The following FKBP15 variants were observed in gnomAD, a reference collection of about 807,000 sequenced individuals.
FKBP15 encodes the protein FKBP prolyl isomerase family member 15.
FKBP15 carries 106 observed loss-of-function variants against 158.1 expected under a neutral mutation model. The observed-to-expected ratio is 0.67, with a 90% CI of 0.57 to 0.79. The LOEUF (loss-of-function observed/expected upper bound fraction) is 0.79. Ranked by LOEUF, FKBP15 falls within the 30% of genes least tolerant of loss-of-function variation. The pLI, the probability that FKBP15 is intolerant of heterozygous loss-of-function variation, is 0.00. For missense variants in FKBP15, 1,287 were observed against 1,479.1 expected (o/e 0.87, Z 2.13); for synonymous variants, 547 against 548.6 (o/e 1.00, Z 0.04).
Position 113,186,229 on chromosome 9 carries a change from CTG to C in FKBP15, c.1498+18_1498+19del. 6.6e-7 allele frequency: 1 copy of C among 1,515,102 alleles called. No homozygotes were observed. Among genetic ancestry groups the C allele is most frequent in the Non-Finnish European group, 9.0e-7 (1 of 1,113,098 alleles). 93.9% of individuals were successfully genotyped at this position (1,515,102 alleles called of 1,614,324 possible). ...CACAGCAAGAGCGGAAGATGAGAAA[CTG>C]AGGGAATTACTCCCTACCTTGGAAA... On this transcript the variant is annotated intron_variant, in intron 15 of 27. Coordinates refer to ENST00000238256, the MANE Select transcript of FKBP15 (RefSeq NM_015258.2).
chr9:113,197,117 G>A, intron 8 of FKBP15, 39 bp from the exon 9 acceptor site: 1 of 1,602,288 alleles, frequency 6.2e-7, no homozygotes, highest in Non-Finnish European at 8.5e-7. Flanking sequence ...CAAACAAGAA[G>A]CTCCTCAGAA....
At chr9:113,167,825 C>T (rs1305970877) in intron 27 of FKBP15, among the ~76,000 whole-genome samples, 1 of 152,192 alleles carries the variant, frequency 6.6e-6, no homozygotes, top group Non-Finnish European at 1.5e-5. Flanking sequence ...CTAATTCAGT[C>T]CCTATCAGTG....
chr9:113,214,751 C>A (rs1202651393), intron 1 of FKBP15, among the ~76,000 whole-genome samples: 3 of 152,254 alleles, frequency 2.0e-5, no homozygotes, highest in African/African-American at 7.2e-5. Flanking sequence ...CAATAGAAAG[C>A]TGTTTTGTCT....
Position 113,202,944 on chromosome 9 carries a change from A to G in FKBP15, c.399+17T>C, listed in dbSNP as rs760004746. On this transcript the variant is annotated intron_variant, in intron 5 of 27. Coordinates refer to ENST00000238256, the MANE Select transcript of FKBP15 (RefSeq NM_015258.2). ...TATCCCGAAGGAGCTAATGATTCCAATATGATGAAGTCTTACCATTAGCTC... is the reference window on the plus strand; with the variant it reads ...TATCCCGAAGGAGCTAATGATTCCAGTATGATGAAGTCTTACCATTAGCTC... 2 of 1,596,672 alleles carry G rather than the reference A, an allele frequency of 1.3e-6. No homozygotes were observed. The highest frequency in any genetic ancestry group is 2.2e-5 in the South Asian group (2 of 90,044).
At chr9:113,209,643 G>A (rs192987663) in intron 2 of FKBP15, among the ~76,000 whole-genome samples, 25 of 152,370 alleles carry the variant, frequency 1.6e-4, no homozygotes, top group South Asian at 6.2e-4. Context: ...AATTTCCTGA[G>A]TGATAAGAGT....
chr9:113,169,415 C>T lies in FKBP15; in HGVS notation c.3294G>A (p.Leu1098=), dbSNP rs551811341. The part of the protein sequence containing the change: ...PLQESSTRLS[L]TSDPEEGDPL... Reference sequence around the variant, plus strand: ...GGTCCCCCTCCTCGGGGTCTGAAGTCAGGGACAGTCTTGTGGAGCTTTCTT... The same window carrying T: ...GGTCCCCCTCCTCGGGGTCTGAAGTTAGGGACAGTCTTGTGGAGCTTTCTT... Residue 1098 remains leucine, a synonymous_variant, in exon 26 of 28, where the codon CTG becomes CTA. Transcript: ENST00000238256. The T allele has an allele frequency of 3.4e-5, 55 of 1,614,038 alleles. No individual in the cohort carries two copies. In the South Asian group the frequency reaches 5.6e-4, roughly 16 times the overall value.
intron 1 of FKBP15, among the ~76,000 whole-genome samples, chr9:113,218,795 G>A (rs1408710289): frequency 6.6e-6 from 1 of 152,136 alleles, no homozygotes; most frequent in Non-Finnish European, 1.5e-5. Flanking sequence ...CCTAACTGGG[G>A]ATAGAATCAA....
chr9:113,184,743 T>C lies in FKBP15; in HGVS notation c.1560A>G (p.Arg520=), dbSNP rs1292839650. The C allele has an allele frequency of 6.2e-7, 1 of 1,609,524 alleles. No individual in the cohort carries two copies. Among genetic ancestry groups the C allele is most frequent in the East Asian group, 2.2e-5 (1 of 44,800 alleles). The change falls in exon 16 of 28, where the codon CGA becomes CGG. Residue 520 remains arginine, a synonymous_variant. Coordinates refer to ENST00000238256, the MANE Select transcript of FKBP15 (RefSeq NM_015258.2). The surrounding 1 kb of genome is among the most constrained non-coding windows in gnomAD (Gnocchi z 4.5). ...TEARQHNTEI[R]MAVSKVADKM... ...TATCAGCCACTTTGCTGACTGCCAT[T>C]CGAATTTCAGTGTTATGTTGCCGGG...
intron 27 of FKBP15, 80 bp downstream of exon 27, chr9:113,168,380 C>T: frequency 8.0e-7 from 1 of 1,246,110 alleles, no homozygotes. Context: ...CCAACAGGCT[C>T]CATTTCTCTT....
intron 1 of FKBP15, among the ~76,000 whole-genome samples, chr9:113,215,644 ATTTTTTTTTTT>A (rs1285341545): frequency 6.5e-5 from 4 of 61,572 alleles, no homozygotes; most frequent in Admixed American, 2.6e-4. Flanking sequence ...ATATATATAT[ATTTTTTTTTTT>A]TTTTTTTTTT....
Position 113,162,154 on chromosome 9 carries a change from C to A in FKBP15, c.*3924G>T. ...CAGGCAACCATTTAGGGTCCCTGTT[C>A]TGCCCTCTGTCCAGCCCCAGCCTCA... On this transcript the variant is annotated 3_prime_UTR_variant, in exon 28 of 28. Coordinates refer to ENST00000238256, the MANE Select transcript of FKBP15 (RefSeq NM_015258.2). 1 of 326,602 alleles carries A rather than the reference C, an allele frequency of 3.1e-6. No individual in the cohort carries two copies. The highest frequency in any genetic ancestry group is 5.8e-6 in the Non-Finnish European group (1 of 171,582). The allele number at this position is 326,602 out of a possible 1,614,324, so 20.2% of individuals were successfully genotyped here. A position where few individuals can be genotyped will look rare whatever the true frequency, so the allele number is the denominator to read the frequency against.
chr9:113,212,243 C>T (rs550055097), intron 1 of FKBP15, among the ~76,000 whole-genome samples: 102 of 152,198 alleles, frequency 6.7e-4, no homozygotes, highest in Admixed American at 1.8e-3. Context: ...GGCTGGAGTG[C>T]AGTGGTGTGA....
intron 4 of FKBP15, chr9:113,206,271 C>A: frequency 1.9e-6 from 1 of 540,406 alleles, no homozygotes; most frequent in Admixed American, 3.4e-5. Context: ...AATTCTTAAG[C>A]TAGGATCATA....
chr9:113,178,520 T>C (rs545057011), intron 20 of FKBP15, 110 bp downstream of exon 20: 5 of 1,128,630 alleles, frequency 4.4e-6, no homozygotes, highest in Middle Eastern at 3.1e-4. Flanking sequence ...TTTGGTGTAG[T>C]CCTTCAAAAA....
intron 20 of FKBP15, among the ~76,000 whole-genome samples, chr9:113,177,460 G>A (rs550416421): frequency 1.3e-5 from 2 of 152,170 alleles, no homozygotes; most frequent in Non-Finnish European, 2.9e-5. Context: ...TAACACATTT[G>A]CCTCATGTGG....
At chr9:113,179,811 C>T (rs1830361560) in intron 19 of FKBP15, among the ~76,000 whole-genome samples, 1 of 152,050 alleles carries the variant, frequency 6.6e-6, no homozygotes, top group Non-Finnish European at 1.5e-5. Context: ...AATAAATAGG[C>T]TATAAATGAG....
rs1334142632 is a variant in FKBP15 at position 113,187,858 on chromosome 9, C to T, written c.1318G>A (p.Ala440Thr). ...SVTGLQAPSA[A>T]LMQVSSLDSH... ...TCGAGAGATGACACTTGCATTAAGGCAGCAGAAGGTGCCTGGAGCCCAGTA... is the reference window on the plus strand; with the variant it reads ...TCGAGAGATGACACTTGCATTAAGGTAGCAGAAGGTGCCTGGAGCCCAGTA... The change falls in exon 14 of 28, where the codon GCC (alanine) becomes ACC (threonine). Residue 440 changes from alanine (A) to threonine (T), a missense_variant. Coordinates refer to ENST00000238256, the MANE Select transcript of FKBP15 (RefSeq NM_015258.2). 1.2e-6 allele frequency: 2 copies of T among 1,613,932 alleles called. No individual in the cohort carries two copies. Among genetic ancestry groups the T allele is most frequent in the African/African-American group, 1.3e-5 (1 of 75,034 alleles).
intron 27 of FKBP15, 118 bp from the exon 28 acceptor site, chr9:113,166,273 A>G: frequency 1.1e-6 from 1 of 904,832 alleles, no homozygotes; most frequent in East Asian, 2.7e-5. Context: ...AGGAGGTTGT[A>G]CTGACAGGGC....
chr9:113,173,039 C>G (rs1283529969), intron 23 of FKBP15, among the ~76,000 whole-genome samples: 1 of 152,186 alleles, frequency 6.6e-6, no homozygotes, highest in Non-Finnish European at 1.5e-5. Context: ...ACCTTCCCAG[C>G]TCTCCTGGGT....
Sources: allele counts gnomAD v4.1 joint callset (sites outside exome capture counted in the v4.1 genomes callset), GRCh38; gene constraint gnomAD v4.1.1; non-coding constraint Gnocchi (gnomAD v3.1); transcripts MANE v1.5; gene names NCBI Gene and HGNC (gene_info 2026-07-23, HGNC 2026-07-21).